The following BPNT1 variants were observed in gnomAD, a reference collection of about 807,000 sequenced individuals.
BPNT1 encodes the protein 3'(2'), 5'-bisphosphate nucleotidase 1, also known as 3'(2'),5'-bisphosphate nucleotidase 1.
Under a neutral mutation model 36.9 loss-of-function variants are expected in BPNT1, and 28 were observed. The observed-to-expected ratio is 0.76, with a 90% CI of 0.56 to 1.04. BPNT1 has a LOEUF of 1.04. Ranked by LOEUF, BPNT1 falls within the 50% of genes least tolerant of loss-of-function variation. The pLI, the probability that BPNT1 is intolerant of heterozygous loss-of-function variation, is 0.00. For synonymous variants in BPNT1, 119 were observed against 130.9 expected (o/e 0.91, Z 0.62); for missense variants, 313 against 372.9 (o/e 0.84, Z 1.32).
At chr1:220,086,570 G>A (rs1655747705) in intron 1 of BPNT1, among the ~76,000 whole-genome samples, 1 of 151,310 alleles carries the variant, frequency 6.6e-6, no homozygotes, top group Non-Finnish European at 1.5e-5. Flanking sequence ...CACCATGCCT[G>A]GTCTGAGTTG....
chr1:220,078,676 C>A (rs1452268629), intron 2 of BPNT1, among the ~76,000 whole-genome samples: 1 of 150,982 alleles, frequency 6.6e-6, no homozygotes, highest in Non-Finnish European at 1.5e-5. Flanking sequence ...CAGCTCACTG[C>A]AACCTCGCTC....
At chr1:220,062,038 A>AT (rs1663081590) in intron 7 of BPNT1, among the ~76,000 whole-genome samples, 1 of 151,090 alleles carries the variant, frequency 6.6e-6, no homozygotes, top group Non-Finnish European at 1.5e-5. Flanking sequence ...ACTCTCTCAG[A>AT]TAAAAAAAAA....
intron 1 of BPNT1, among the ~76,000 whole-genome samples, chr1:220,088,789 TAAAA>T (rs1267059944): frequency 2.6e-5 from 3 of 114,140 alleles, no homozygotes; most frequent in African/African-American, 6.4e-5. Flanking sequence ...GAACCTGTCT[TAAAA>T]AAAAAAAAAA....
At position 220,065,637 on chromosome 1, in the gene BPNT1, G is replaced by A. The variant is rs370330603; in HGVS notation, c.474+1665C>T. Among the ~76,000 whole-genome samples, 12 of 152,306 alleles carry A rather than the reference G, an allele frequency of 7.9e-5. No individual in the cohort carries two copies. In the South Asian group the frequency reaches 1.9e-3, roughly 24 times the overall value. On this transcript the variant is annotated intron_variant, in intron 6 of 8. Coordinates refer to ENST00000322067, the MANE Select transcript of BPNT1 (RefSeq NM_006085.6). ...TTACCAGCTGGGTGACCACAGGAAA[G>A]TTAATTGCCTCAGTTTCCTCTTTAA...
chr1:220,088,478 C>CAA (rs58383315), intron 1 of BPNT1, among the ~76,000 whole-genome samples: 5,524 of 65,178 alleles, frequency 0.085, 251 homozygotes, highest in South Asian at 0.15. Flanking sequence ...GACTCCGACT[C>CAA]AAAAAAAAAA....
chr1:220,082,761 A>G (rs1009179376), intron 1 of BPNT1, among the ~76,000 whole-genome samples: 10 of 150,734 alleles, frequency 6.6e-5, no homozygotes, highest in African/African-American at 2.4e-4. Flanking sequence ...TAATTTTTGT[A>G]TTGTTAGTAG....
Position 220,067,569 on chromosome 1 carries a change from A to G in BPNT1, c.383-176T>C, listed in dbSNP as rs576595959. Among the ~76,000 whole-genome samples the G allele has an allele frequency of 7.9e-4, 120 of 152,340 alleles. 2 individuals are homozygous for G. The highest frequency in any genetic ancestry group is 2.7e-3 in the African/African-American group (114 of 41,574). On this transcript the variant is annotated intron_variant, in intron 5 of 8. Coordinates refer to ENST00000322067, the MANE Select transcript of BPNT1 (RefSeq NM_006085.6). ...AATGATAAGCTGGCCAGAAACAGCC[A>G]TAGGATCTATGGCCACTTAATTGAA...
At position 220,058,324 on chromosome 1, in the gene BPNT1, A is replaced by C. The variant is rs1312512841; in HGVS notation, c.*520T>G. On this transcript the variant is annotated 3_prime_UTR_variant, in exon 9 of 9. Coordinates refer to ENST00000322067, the MANE Select transcript of BPNT1 (RefSeq NM_006085.6). ...CATATTGAGTTTATAAGTTCTCCAGACGTCAAAATTGGTCTGGTTGATTAA... is the reference window on the plus strand; with the variant it reads ...CATATTGAGTTTATAAGTTCTCCAGCCGTCAAAATTGGTCTGGTTGATTAA... 4.0e-6 allele frequency: 4 copies of C among 987,810 alleles called. No individual in the cohort carries two copies. The East Asian group carries it at 4.5e-4, about 111-fold the overall frequency. The allele number at this position is 987,810 out of a possible 1,614,324, so 61.2% of individuals were successfully genotyped here. A position where few individuals can be genotyped will look rare whatever the true frequency, so the allele number is the denominator to read the frequency against.
intron 1 of BPNT1, among the ~76,000 whole-genome samples, chr1:220,082,081 TATATAGAGAG>T (rs1429447083): frequency 1.2e-4 from 13 of 109,800 alleles, no homozygotes; most frequent in Non-Finnish European, 1.9e-4. Context: ...TATATATATA[TATATAGAGAG>T]AGAGAGAGAG....
At chr1:220,081,792 G>C (rs904461599) in intron 1 of BPNT1, among the ~76,000 whole-genome samples, 7 of 151,964 alleles carry the variant, frequency 4.6e-5, no homozygotes, top group African/African-American at 1.7e-4. Flanking sequence ...CCCCAGCACT[G>C]AAGGGCCATC....
At chr1:220,068,842 C>G (rs1558084812) in intron 5 of BPNT1, among the ~76,000 whole-genome samples, 1 of 152,246 alleles carries the variant, frequency 6.6e-6, no homozygotes, top group East Asian at 1.9e-4. Context: ...TGGCTCTGAG[C>G]TTGTTCATTC....
At chr1:220,063,302 C>T (rs7516345) in intron 6 of BPNT1, among the ~76,000 whole-genome samples, 5 of 152,122 alleles carry the variant, frequency 3.3e-5, no homozygotes, top group African/African-American at 1.2e-4. Context: ...GAGCCAAGAT[C>T]ACGCCACTAC....
rs1662753344 is a variant in BPNT1, at chr1:220,058,903, T to C, written c.868A>G (p.Asn290Asp). The C allele has an allele frequency of 1.2e-6, 2 of 1,613,940 alleles. No individual in the cohort carries two copies. Among genetic ancestry groups the C allele is most frequent in the Non-Finnish European group, 1.7e-6 (2 of 1,179,948 alleles). ...NSAGVLATLR[N>D]YDYYASRVPE... The stretch of plus-strand genomic sequence containing the variant: ...ACTCGGCTTGCATAGTAGTCATAAT[T>C]CCTCAGTGTGGCCAGGACTCCTGCA... Residue 290 changes from asparagine (N) to aspartate (D), a missense_variant, in exon 9 of 9, where the codon AAT becomes GAT. Asn to Asp is a conservative substitution (Grantham distance 23). Coordinates refer to ENST00000322067, the MANE Select transcript of BPNT1 (RefSeq NM_006085.6).
chr1:220,075,192 C>T (rs1408321213), intron 2 of BPNT1, among the ~76,000 whole-genome samples: 1 of 151,952 alleles, frequency 6.6e-6, no homozygotes, highest in Non-Finnish European at 1.5e-5. Context: ...TGCAGGTGTC[C>T]CCCACCATGC....
Position 220,058,375 on chromosome 1 carries a change from T to C in BPNT1, c.*469A>G. The C allele has an allele frequency of 1.0e-6, 1 of 973,830 alleles. No homozygotes were observed. The allele number at this position is 973,830 out of a possible 1,614,324, so 60.3% of individuals were successfully genotyped here. On this transcript the variant is annotated 3_prime_UTR_variant, in exon 9 of 9. Coordinates refer to ENST00000322067, the MANE Select transcript of BPNT1 (RefSeq NM_006085.6). Reference sequence around the variant, plus strand: ...TCAAGTTAAATTATTTAATTCTATTTTCTATTCCTAAATATAATAACTAAA... The same window carrying C: ...TCAAGTTAAATTATTTAATTCTATTCTCTATTCCTAAATATAATAACTAAA...
intron 6 of BPNT1, 38 bp from the exon 7 acceptor site, chr1:220,062,992 T>G (rs1392054822): frequency 1.3e-6 from 2 of 1,594,878 alleles, no homozygotes; most frequent in Admixed American, 3.3e-5. Context: ...TTGTGGTTAT[T>G]TGGAGAAGAA....
At chr1:220,077,022 C>T (rs1442790312) in intron 2 of BPNT1, among the ~76,000 whole-genome samples, 1 of 152,134 alleles carries the variant, frequency 6.6e-6, no homozygotes, top group Non-Finnish European at 1.5e-5. Flanking sequence ...TATCATCTTC[C>T]ACTTCAGCTA....
chr1:220,085,045 A>G (rs1005190770), intron 1 of BPNT1, among the ~76,000 whole-genome samples: 1 of 152,080 alleles, frequency 6.6e-6, no homozygotes, highest in Non-Finnish European at 1.5e-5. Context: ...TATTTTTTAA[A>G]CAGATGAATA....
chr1:220,078,875 G>A (rs974938863), intron 2 of BPNT1, among the ~76,000 whole-genome samples: 14 of 152,026 alleles, frequency 9.2e-5, no homozygotes, highest in African/African-American at 3.1e-4. Context: ...GGATTAAGGC[G>A]TGAGCCACCG....
Sources: gnomAD v4.1 joint callset for allele counts (sites outside exome capture counted in the v4.1 genomes callset) on GRCh38, gnomAD v4.1.1 for gene constraint, MANE v1.5 for transcripts, NCBI Gene and HGNC (gene_info 2026-07-23, HGNC 2026-07-21) for gene names.